The following IQSEC1 variants were observed in gnomAD, a reference collection of about 807,000 sequenced individuals.
The protein encoded by IQSEC1 is IQ motif and SEC7 domain-containing protein 1.
In IQSEC1, 31 loss-of-function variants were observed where a neutral mutation model predicts 91.0. That is an observed-to-expected ratio of 0.34 (90% CI 0.26 to 0.46). The LOEUF (loss-of-function observed/expected upper bound fraction) is 0.46, where lower values mean the gene tolerates loss of function less well. Ranked by LOEUF, IQSEC1 falls within the 20% of genes least tolerant of loss-of-function variation. The pLI, the probability that IQSEC1 is intolerant of heterozygous loss-of-function variation, is 1.00. For missense variants in IQSEC1, 1,388 were observed against 1,575.6 expected (o/e 0.88, Z 2.02); for synonymous variants, 699 against 662.6 (o/e 1.05, Z -0.84).
At chr3:13,178,564 C>A (rs1382967986) in intron 1 of IQSEC1, among the ~76,000 whole-genome samples, 4 of 152,212 alleles carry the variant, frequency 2.6e-5, no homozygotes, top group African/African-American at 4.8e-5. Flanking sequence ...TCTCAGCTTC[C>A]CCTTGTCCCC....
intron 1 of IQSEC1, among the ~76,000 whole-genome samples, chr3:13,168,119 G>A (rs73029485): frequency 0.04 from 6,116 of 152,256 alleles, 180 homozygotes; most frequent in South Asian, 0.097. Flanking sequence ...ATCCAAGCTC[G>A]GTCCTGGACT....
At chr3:12,956,917 C>T (rs114520374) in intron 1 of IQSEC1, among the ~76,000 whole-genome samples, 1 of 152,166 alleles carries the variant, frequency 6.6e-6, no homozygotes, top group Non-Finnish European at 1.5e-5. Context: ...GCGTGGGAAT[C>T]GAGGGAAGAC....
In IQSEC1 at chr3:12,967,744, CGGGGGCGGGGCCGGAGGGCGAGCT is replaced by C. The variant is rs1264055702; in HGVS notation, c.24-25903_24-25880del. ...TGGCCCTGAAGTGGGCGGGGCAGGGCGGGGGCGGGGCCGGAGGGCGAGCTGGGGGCGGGGCCGGAGGGCGAGCTG... is the reference window on the plus strand; with the variant it reads ...TGGCCCTGAAGTGGGCGGGGCAGGGCGGGGGCGGGGCCGGAGGGCGAGCTG... On this transcript the variant is annotated intron_variant, in intron 1 of 13. Coordinates refer to ENST00000613206, the MANE Select transcript of IQSEC1 (RefSeq NM_001134382.3). This position sits in a 1 kb window ranked among gnomAD's most constrained non-coding sequence, Gnocchi z 5.9. 481 of 1,025,524 alleles carry C rather than the reference CGGGGGCGGGGCCGGAGGGCGAGCT, an allele frequency of 4.7e-4. No individual in the cohort carries two copies. The highest frequency in any genetic ancestry group is 2.6e-3 in the African/African-American group (151 of 57,438). 63.5% of individuals were successfully genotyped at this position (1,025,524 alleles called of 1,614,324 possible).
chr3:12,962,491 C>T (rs1373883472), intron 1 of IQSEC1, among the ~76,000 whole-genome samples: 1 of 152,218 alleles, frequency 6.6e-6, no homozygotes, highest in Non-Finnish European at 1.5e-5. Context: ...GCTGGGGACT[C>T]GTTCCAATTC....
intron 5 of IQSEC1, among the ~76,000 whole-genome samples, chr3:12,921,145 G>A (rs1025920608): frequency 7.2e-5 from 11 of 152,098 alleles, no homozygotes; most frequent in Non-Finnish European, 1.6e-4. Context: ...TGCCACTCCC[G>A]CTGCCACCCC....
intron 1 of IQSEC1, among the ~76,000 whole-genome samples, chr3:13,272,677 T>TA (rs954179965): frequency 6.6e-6 from 1 of 152,052 alleles, no homozygotes; most frequent in Non-Finnish European, 1.5e-5. Context: ...TGGGTAAGAG[T>TA]AAAGCCTCAC....
At chr3:13,200,787 A>G (rs967995850) in intron 1 of IQSEC1, among the ~76,000 whole-genome samples, 4 of 152,230 alleles carry the variant, frequency 2.6e-5, no homozygotes, top group Non-Finnish European at 5.9e-5. Flanking sequence ...TTGATCAGTT[A>G]CTGCCTTGCT....
chr3:13,137,805 G>A (rs957920982), intron 2 of IQSEC1, among the ~76,000 whole-genome samples: 1 of 152,180 alleles, frequency 6.6e-6, no homozygotes, highest in Non-Finnish European at 1.5e-5. Flanking sequence ...CTGCGCTCCA[G>A]CCTGGCAACA....
At chr3:13,243,387 C>T (rs569182888) in intron 1 of IQSEC1, among the ~76,000 whole-genome samples, 3 of 152,282 alleles carry the variant, frequency 2.0e-5, no homozygotes, top group African/African-American at 7.2e-5. Context: ...GTCAGGAGCC[C>T]TGCGGAGGCC....
rs1694215532 is a variant in IQSEC1 at position 12,901,045 on chromosome 3, G to A, written c.3283C>T (p.Pro1095Ser). ...GHTVHHHGQP[P>S]APPPPTSSKA... ...CTGCTGGTGGGGGGCGGCGGGGCAGGGGGCTGCCCATGGTGGTGCACTGTG... is the reference window on the plus strand; with the variant it reads ...CTGCTGGTGGGGGGCGGCGGGGCAGAGGGCTGCCCATGGTGGTGCACTGTG... Residue 1095 changes from proline to serine, a missense_variant, in exon 14 of 14, where the codon CCT (proline) becomes TCT (serine). This residue lies in a region of IQSEC1 where 329 missense variants were observed against 257.8 expected (regional missense o/e 1.28). Coordinates refer to ENST00000613206, the MANE Select transcript of IQSEC1 (RefSeq NM_001134382.3). 2 of 1,542,456 alleles carry A rather than the reference G, an allele frequency of 1.3e-6. No homozygotes were observed. The highest frequency in any genetic ancestry group is 1.4e-5 in the African/African-American group (1 of 73,010).
At chr3:13,086,616 C>A (rs997438585) in intron 2 of IQSEC1, among the ~76,000 whole-genome samples, 1 of 152,192 alleles carries the variant, frequency 6.6e-6, no homozygotes, top group African/African-American at 2.4e-5. Flanking sequence ...CCTGGTTCTG[C>A]CCCACAGTTC....
chr3:12,964,162 T>C (rs906996569), intron 1 of IQSEC1, among the ~76,000 whole-genome samples: 1 of 152,266 alleles, frequency 6.6e-6, no homozygotes, highest in Non-Finnish European at 1.5e-5. Context: ...CAGCAGCTCA[T>C]GCAGTGGGAG....
intron 1 of IQSEC1, among the ~76,000 whole-genome samples, chr3:13,043,930 A>C (rs1430181100): frequency 1.3e-5 from 2 of 152,194 alleles, no homozygotes; most frequent in Non-Finnish European, 2.9e-5. Context: ...AGGCACAGAG[A>C]AGACCCCATC....
chr3:13,198,406 C>A (rs1477326865), intron 1 of IQSEC1, among the ~76,000 whole-genome samples: 1 of 152,058 alleles, frequency 6.6e-6, no homozygotes, highest in African/African-American at 2.4e-5. Context: ...CATACCGCGC[C>A]TAGAGATCCA....
chr3:12,981,283 C>T (rs371776939), intron 1 of IQSEC1, among the ~76,000 whole-genome samples: 2 of 152,326 alleles, frequency 1.3e-5, no homozygotes, highest in South Asian at 4.1e-4. Context: ...TAATATCTAC[C>T]TTGTAGGGCT....
At chr3:12,905,912 C>T (rs1326517439) in intron 12 of IQSEC1, among the ~76,000 whole-genome samples, 2 of 152,200 alleles carry the variant, frequency 1.3e-5, no homozygotes, top group African/African-American at 4.8e-5. Flanking sequence ...GGTCTTGGGT[C>T]AGCAGGACTC....
At chr3:13,086,437 C>T (rs1705736407) in intron 2 of IQSEC1, among the ~76,000 whole-genome samples, 1 of 152,154 alleles carries the variant, frequency 6.6e-6, no homozygotes, top group African/African-American at 2.4e-5. Flanking sequence ...GAAACTGGCA[C>T]ACAGAGCCAC....
intron 1 of IQSEC1, among the ~76,000 whole-genome samples, chr3:13,185,453 T>G (rs1214976610): frequency 6.6e-6 from 1 of 152,246 alleles, no homozygotes; most frequent in Non-Finnish European, 1.5e-5. Context: ...GACGTCAGCT[T>G]GTTCTCCACA....
upstream of IQSEC1, among the ~76,000 whole-genome samples, chr3:13,078,047 G>A (rs186178146): frequency 4.6e-5 from 7 of 152,336 alleles, no homozygotes; most frequent in East Asian, 7.7e-4. Flanking sequence ...CCGCGGATGA[G>A]TGAGGGAGCT....
Sources: allele counts gnomAD v4.1 joint callset (sites outside exome capture counted in the v4.1 genomes callset), GRCh38; gene constraint gnomAD v4.1.1; regional missense constraint gnomAD v4.1.1; non-coding constraint Gnocchi (gnomAD v3.1); transcripts MANE v1.5; gene names NCBI Gene and HGNC (gene_info 2026-07-23, HGNC 2026-07-21).